Variants in IQCM observed in about 807,000 individuals in gnomAD.
IQCM encodes IQ motif containing M, also known as IQ domain-containing protein M.
In IQCM, 45 loss-of-function variants were observed where a neutral mutation model predicts 57.6. The observed-to-expected ratio is 0.78, with a 90% CI of 0.62 to 1.00. The LOEUF is 1.00. Among genes scored for constraint, IQCM ranks in the 50% least tolerant of loss-of-function variants. The pLI, the probability that IQCM is intolerant of heterozygous loss-of-function variation, is 0.00. For synonymous variants in IQCM, 148 were observed against 158.9 expected (o/e 0.93, Z 0.51); for missense variants, 468 against 511.6 (o/e 0.91, Z 0.82).
At chr4:149,437,317 T>C (rs921229791) in intron 12 of IQCM, among the ~76,000 whole-genome samples, 2 of 152,126 alleles carry the variant, frequency 1.3e-5, no homozygotes, top group Non-Finnish European at 2.9e-5. Flanking sequence ...TATAGCTCTT[T>C]CCTGGAGGTT....
intron 5 of IQCM, among the ~76,000 whole-genome samples, chr4:149,695,410 G>C (rs891734629): frequency 1.3e-5 from 2 of 152,194 alleles, no homozygotes; most frequent in Non-Finnish European, 2.9e-5. Flanking sequence ...TTTAAAACGA[G>C]GAATGAAATG....
intron 12 of IQCM, among the ~76,000 whole-genome samples, chr4:149,471,056 G>T (rs1739476781): frequency 6.6e-6 from 1 of 152,090 alleles, no homozygotes; most frequent in Admixed American, 6.6e-5. Context: ...ACAATTAAAA[G>T]AACTGGAGAA....
At chr4:149,790,830 A>AT (rs565475866) in intron 2 of IQCM, among the ~76,000 whole-genome samples, 3,031 of 149,368 alleles carry the variant, frequency 0.02, 95 homozygotes, top group African/African-American at 0.063. Flanking sequence ...GGTTTATATG[A>AT]TTTTTTTTTT....
At chr4:149,557,639 A>G (rs1270220270) in intron 10 of IQCM, among the ~76,000 whole-genome samples, 1 of 152,144 alleles carries the variant, frequency 6.6e-6, no homozygotes, top group African/African-American at 2.4e-5. Flanking sequence ...AGAAAAAACA[A>G]TTAGTTTATT....
intron 13 of IQCM, among the ~76,000 whole-genome samples, chr4:149,364,337 C>T: frequency 6.6e-6 from 1 of 152,288 alleles, no homozygotes; most frequent in East Asian, 1.9e-4. Context: ...CCTTACAGAA[C>T]ATATCACAGC....
intron 5 of IQCM, among the ~76,000 whole-genome samples, chr4:149,732,878 G>A (rs747066257): frequency 3.3e-5 from 5 of 152,136 alleles, no homozygotes; most frequent in South Asian, 2.1e-4. Flanking sequence ...ACACGCTCAC[G>A]AGTAAGTTGC....
chr4:149,731,713 A>G (rs889198666), intron 5 of IQCM, among the ~76,000 whole-genome samples: 1 of 152,154 alleles, frequency 6.6e-6, no homozygotes, highest in Non-Finnish European at 1.5e-5. Context: ...TAACTGGTAT[A>G]ATGTGGAAAA....
chr4:149,596,534 A>C (rs373419391), intron 8 of IQCM, among the ~76,000 whole-genome samples: 2 of 152,238 alleles, frequency 1.3e-5, no homozygotes, highest in South Asian at 4.1e-4. Context: ...ATCTAAGAAA[A>C]GTACTCATAA....
intron 5 of IQCM, among the ~76,000 whole-genome samples, chr4:149,718,324 T>A (rs2149847350): frequency 6.6e-6 from 1 of 152,288 alleles, no homozygotes; most frequent in South Asian, 2.1e-4. Context: ...GAAATATGTA[T>A]TTTTTTAAGC....
chr4:149,616,401 A>G lies in IQCM; in HGVS notation c.681+4728T>C, dbSNP rs572197572. 1.3e-4 allele frequency among the ~76,000 whole-genome samples: 20 copies of G among 152,260 alleles called. No individual in the cohort carries two copies. The South Asian group carries it at 3.5e-3, about 27-fold the overall frequency. On this transcript the variant is annotated intron_variant, in intron 8 of 13. Transcript: ENST00000636793. ...AGAGTAGTCAAATTAACGAAAACAG[A>G]AAGTAGAATGGTGGTTTCCAGGGAA...
chr4:149,488,526 T>C (rs1025679727), intron 12 of IQCM, among the ~76,000 whole-genome samples: 2 of 152,182 alleles, frequency 1.3e-5, no homozygotes, highest in African/African-American at 2.4e-5. Context: ...AAGTTGTTAA[T>C]AGTATTTTTC....
chr4:149,547,174 G>A (rs898895171), intron 12 of IQCM, among the ~76,000 whole-genome samples: 1 of 152,008 alleles, frequency 6.6e-6, no homozygotes, highest in African/African-American at 2.4e-5. Flanking sequence ...TGTTCCATTG[G>A]TCTATATCTC....
intron 2 of IQCM, among the ~76,000 whole-genome samples, chr4:149,794,764 ACT>A (rs952923798): frequency 6.6e-6 from 1 of 152,104 alleles, no homozygotes; most frequent in African/African-American, 2.4e-5. Flanking sequence ...AAGTCAAGAA[ACT>A]CACACAATAA....
At chr4:149,707,348 G>C (rs1332950577) in intron 5 of IQCM, among the ~76,000 whole-genome samples, 1 of 152,012 alleles carries the variant, frequency 6.6e-6, no homozygotes, top group African/African-American at 2.4e-5. Context: ...TATGTGTATA[G>C]TTGTTATGCA....
intron 6 of IQCM, among the ~76,000 whole-genome samples, chr4:149,685,733 G>C (rs973200635): frequency 6.6e-6 from 1 of 151,532 alleles, no homozygotes; most frequent in African/African-American, 2.4e-5. Flanking sequence ...AGTATTTACT[G>C]TCTGTAAGTA....
At chr4:149,627,878 T>C (rs1756946123) in intron 7 of IQCM, among the ~76,000 whole-genome samples, 1 of 152,074 alleles carries the variant, frequency 6.6e-6, no homozygotes, top group Non-Finnish European at 1.5e-5. Context: ...CAGACTTTAC[T>C]ACAGAAGAGA....
chr4:149,395,858 T>C (rs965075228), intron 13 of IQCM, among the ~76,000 whole-genome samples: 2 of 152,002 alleles, frequency 1.3e-5, no homozygotes, highest in African/African-American at 4.8e-5. Context: ...AACACTAATA[T>C]GTTATTTCTT....
chr4:149,520,219 A>ATTTT (rs538952958), intron 12 of IQCM, among the ~76,000 whole-genome samples: 2 of 126,720 alleles, frequency 1.6e-5, no homozygotes, highest in Non-Finnish European at 3.4e-5. Flanking sequence ...GGTGGGCACC[A>ATTTT]TTTTTTTTTT....
intron 2 of IQCM, among the ~76,000 whole-genome samples, chr4:149,775,227 T>C (rs1198800762): frequency 2.0e-5 from 3 of 152,040 alleles, no homozygotes; most frequent in Non-Finnish European, 4.4e-5. Context: ...TACAAAATCT[T>C]CTCTAAAATA....
Sources: gnomAD v4.1 joint callset for allele counts (sites outside exome capture counted in the v4.1 genomes callset) on GRCh38, gnomAD v4.1.1 for gene constraint, MANE v1.5 for transcripts, NCBI Gene and HGNC (gene_info 2026-07-23, HGNC 2026-07-21) for gene names.